PSMC4: variants seen among roughly 807,000 people sequenced by gnomAD.
The protein encoded by PSMC4 is proteasome 26S subunit, ATPase 4, also known as 26S proteasome regulatory subunit 6B.
Under a neutral mutation model 48.4 loss-of-function variants are expected in PSMC4, and 13 were observed. That is an observed-to-expected ratio of 0.27 (90% CI 0.18 to 0.43). The LOEUF (loss-of-function observed/expected upper bound fraction) is 0.43. Ranked by LOEUF, PSMC4 falls within the 20% of genes least tolerant of loss-of-function variation. PSMC4 has a pLI of 1.00. For synonymous variants in PSMC4, 202 were observed against 212.3 expected (o/e 0.95, Z 0.42); for missense variants, 262 against 555.9 (o/e 0.47, Z 5.32).
chr19:39,980,234 AG>A lies in PSMC4; in HGVS notation c.919-50del. 6.2e-7 allele frequency: 1 copy of A among 1,613,724 alleles called. No homozygotes were observed. The highest frequency in any genetic ancestry group is 8.5e-7 in the Non-Finnish European group (1 of 1,179,738). On this transcript the variant is annotated intron_variant, in intron 8 of 10. Transcript: ENST00000157812. The surrounding 1 kb of genome is among the most constrained non-coding windows in gnomAD (Gnocchi z 4.8). ...GCACCTAAGGGGTGGTTATCGTGAC[AG>A]GAAGGAGGTAGGAGTGCAGAGATCT...
intron 6 of PSMC4, among the ~76,000 whole-genome samples, chr19:39,977,528 AG>A (rs1298396894): frequency 1.3e-5 from 2 of 152,056 alleles, no homozygotes; most frequent in Non-Finnish European, 2.9e-5. Context: ...TTCTAGAGAC[AG>A]GGTCATGTCT....
Position 39,980,612 on chromosome 19 carries a change from C to G in PSMC4, c.1088-50C>G, listed in dbSNP as rs541193657. 6.2e-7 allele frequency: 1 copy of G among 1,605,956 alleles called. No individual in the cohort carries two copies. The highest frequency in any genetic ancestry group is 8.5e-7 in the Non-Finnish European group (1 of 1,172,822). On this transcript the variant is annotated intron_variant, in intron 9 of 10. Transcript: ENST00000157812. This position sits in a 1 kb window ranked among gnomAD's most constrained non-coding sequence, Gnocchi z 4.8. ...AGATGGCCAAAGATGACTTCCAGCCCCAGGCATTTACCCCATCACACAGGG... is the reference window on the plus strand; with the variant it reads ...AGATGGCCAAAGATGACTTCCAGCCGCAGGCATTTACCCCATCACACAGGG...
In PSMC4 at chr19:39,980,633, CAG is replaced by C; in HGVS notation, c.1088-28_1088-27del. The C allele has an allele frequency of 1.2e-6, 2 of 1,612,546 alleles. No homozygotes were observed. The highest frequency in any genetic ancestry group is 1.7e-6 in the Non-Finnish European group (2 of 1,178,640). Reference sequence around the variant, plus strand: ...AGCCCCAGGCATTTACCCCATCACACAGGGAATAGTTTCCTTAACTCGCTGCA... The same window carrying C: ...AGCCCCAGGCATTTACCCCATCACACGGAATAGTTTCCTTAACTCGCTGCA... On this transcript the variant is annotated intron_variant, in intron 9 of 10. Coordinates refer to ENST00000157812, the MANE Select transcript of PSMC4 (RefSeq NM_006503.4). The surrounding 1 kb of genome is among the most constrained non-coding windows in gnomAD (Gnocchi z 4.8).
rs543349834 is a variant in PSMC4 at position 39,977,542 on chromosome 19, C to A, written c.674-2275C>A. 2.6e-4 allele frequency among the ~76,000 whole-genome samples: 40 copies of A among 152,160 alleles called. 1 individual carries two copies. Among genetic ancestry groups the A allele is most frequent in the Non-Finnish European group, 5.1e-4 (35 of 68,004 alleles). ...TTTCTAGAGACAGGGTCATGTCTGG[C>A]AAGGCGCGGTGGCTCACGGCTATAA... On this transcript the variant is annotated intron_variant, in intron 6 of 10. Transcript: ENST00000157812.
At chr19:39,978,734 G>A (rs1971243137) in intron 6 of PSMC4, among the ~76,000 whole-genome samples, 1 of 152,098 alleles carries the variant, frequency 6.6e-6, no homozygotes, top group Non-Finnish European at 1.5e-5. Context: ...CAAGGCCAGG[G>A]TCAAGCATGG....
In PSMC4 at chr19:39,974,649, T is replaced by A. The variant is rs1302151364; in HGVS notation, c.579+16T>A. The A allele has an allele frequency of 1.9e-6, 3 of 1,613,100 alleles. No individual in the cohort carries two copies. The African/African-American group carries it at 4.0e-5, about 22-fold the overall frequency. On this transcript the variant is annotated intron_variant, in intron 5 of 10. Transcript: ENST00000157812. The surrounding 1 kb of genome is among the most constrained non-coding windows in gnomAD (Gnocchi z 5.5). ...CTACAAGCAGGTGAGGCGGTGCAGG[T>A]GGCAGGGAAGGGAGAGGCCCCATTG...
chr19:39,972,039 T>C, intron 1 of PSMC4, 107 bp from the exon 2 acceptor site: 1 of 1,061,978 alleles, frequency 9.4e-7, no homozygotes, highest in Non-Finnish European at 1.4e-6. Flanking sequence ...TGTTAGGGGC[T>C]AAGTGACATC....
intron 3 of PSMC4, 61 bp downstream of exon 3, chr19:39,972,616 C>T: frequency 6.7e-7 from 1 of 1,488,280 alleles, no homozygotes; most frequent in Non-Finnish European, 9.1e-7. Flanking sequence ...CTACCATGTG[C>T]TAGGCAGCAG....
chr19:39,978,408 C>G (rs557109305), intron 6 of PSMC4, among the ~76,000 whole-genome samples: 64 of 152,190 alleles, frequency 4.2e-4, no homozygotes, highest in Non-Finnish European at 7.6e-4. Flanking sequence ...TGGCCAAAGT[C>G]AGGTGGTCAA....
At chr19:39,979,041 A>T (rs1433392928) in intron 6 of PSMC4, among the ~76,000 whole-genome samples, 1 of 152,176 alleles carries the variant, frequency 6.6e-6, no homozygotes, top group African/African-American at 2.4e-5. Context: ...ATTGTCAGTT[A>T]TATCAGAACA....
Position 39,981,314 on chromosome 19 carries a change from T to G in PSMC4, c.*9T>G. ...ATGAGTTTTACAAGTGACCCTTCCCTTCCCTCCACCACACCACTCAGGGGC... is the reference window on the plus strand; with the variant it reads ...ATGAGTTTTACAAGTGACCCTTCCCGTCCCTCCACCACACCACTCAGGGGC... On this transcript the variant is annotated 3_prime_UTR_variant, in exon 11 of 11. Coordinates refer to ENST00000157812, the MANE Select transcript of PSMC4 (RefSeq NM_006503.4). The G allele has an allele frequency of 6.3e-7, 1 of 1,598,816 alleles. No homozygotes were observed. Among genetic ancestry groups the G allele is most frequent in the South Asian group, 1.1e-5 (1 of 90,730 alleles).
In PSMC4 at chr19:39,981,512, T is replaced by C; in HGVS notation, c.*207T>C. ...TTGAATAGGATCCTCTGGGTCCCTC[T>C]TAATCTGACAGATGAGCAGACGAGG... On this transcript the variant is annotated 3_prime_UTR_variant, in exon 11 of 11. Transcript: ENST00000157812. The C allele has an allele frequency of 2.0e-6, 1 of 502,414 alleles. No individual in the cohort carries two copies. Among genetic ancestry groups the C allele is most frequent in the South Asian group, 2.4e-5 (1 of 41,874 alleles). 31.1% of individuals were successfully genotyped at this position (502,414 alleles called of 1,614,324 possible).
chr19:39,972,208 G>A lies in PSMC4; in HGVS notation c.99G>A (p.Glu33=). The A allele has an allele frequency of 6.2e-7, 1 of 1,614,086 alleles. No homozygotes were observed. Among genetic ancestry groups the A allele is most frequent in the East Asian group, 2.2e-5 (1 of 44,884 alleles). The part of the protein sequence containing the change: ...PQTGLSFLGP[E]PEDLEDLYSR... Reference sequence around the variant, plus strand: ...CCGGCCTGTCCTTCCTGGGCCCTGAGCCTGAGGACCTGGAGGACCTGTACA... The same window carrying A: ...CCGGCCTGTCCTTCCTGGGCCCTGAACCTGAGGACCTGGAGGACCTGTACA... Residue 33 remains glutamate (E), a synonymous_variant, in exon 2 of 11, where the codon GAG becomes GAA. Coordinates refer to ENST00000157812, the MANE Select transcript of PSMC4 (RefSeq NM_006503.4).
intron 6 of PSMC4, among the ~76,000 whole-genome samples, chr19:39,976,787 G>C (rs1438380568): frequency 6.6e-6 from 1 of 151,714 alleles, no homozygotes; most frequent in Non-Finnish European, 1.5e-5. Flanking sequence ...GTGATTACAG[G>C]CGTGAGCCAC....
At chr19:39,976,967 A>G (rs952230888) in intron 6 of PSMC4, among the ~76,000 whole-genome samples, 6 of 149,844 alleles carry the variant, frequency 4.0e-5, no homozygotes, top group African/African-American at 1.5e-4. Flanking sequence ...CTCCTACCTC[A>G]GCCTCCCGAG....
At position 39,974,863 on chromosome 19, in the gene PSMC4, T is replaced by C. The variant is rs368237983; in HGVS notation, c.673+35T>C. 1.9e-6 allele frequency: 3 copies of C among 1,569,286 alleles called. No homozygotes were observed. Among genetic ancestry groups the C allele is most frequent in the Non-Finnish European group, 2.6e-6 (3 of 1,142,506 alleles). ...TTCGCCCCTGCCCCGAGCTCTCATC[T>C]TCTGGCCTCTTCGCCTTGCTCCCTG... On this transcript the variant is annotated intron_variant, in intron 6 of 10. Coordinates refer to ENST00000157812, the MANE Select transcript of PSMC4 (RefSeq NM_006503.4). The surrounding 1 kb of genome is among the most constrained non-coding windows in gnomAD (Gnocchi z 5.5).
At position 39,980,614 on chromosome 19, in the gene PSMC4, A is replaced by G. The variant is rs755796252; in HGVS notation, c.1088-48A>G. The G allele has an allele frequency of 4.4e-6, 7 of 1,606,884 alleles. No homozygotes were observed. Among genetic ancestry groups the G allele is most frequent in the Non-Finnish European group, 6.0e-6 (7 of 1,173,544 alleles). On this transcript the variant is annotated intron_variant, in intron 9 of 10. Transcript: ENST00000157812. This position sits in a 1 kb window ranked among gnomAD's most constrained non-coding sequence, Gnocchi z 4.8. ...ATGGCCAAAGATGACTTCCAGCCCC[A>G]GGCATTTACCCCATCACACAGGGAA...
chr19:39,972,324 C>T (rs1971114495), intron 2 of PSMC4, 45 bp from the exon 3 acceptor site: 1 of 1,610,760 alleles, frequency 6.2e-7, no homozygotes, highest in Non-Finnish European at 8.5e-7. Context: ...CTCTCTGGAT[C>T]AGCAAGTCTG....
In PSMC4 at chr19:39,981,323, C is replaced by T; in HGVS notation, c.*18C>T. 1 of 1,576,102 alleles carries T rather than the reference C, an allele frequency of 6.3e-7. No homozygotes were observed. Among genetic ancestry groups the T allele is most frequent in the Non-Finnish European group, 8.7e-7 (1 of 1,145,520 alleles). On this transcript the variant is annotated 3_prime_UTR_variant, in exon 11 of 11. Transcript: ENST00000157812. Reference sequence around the variant, plus strand: ...ACAAGTGACCCTTCCCTTCCCTCCACCACACCACTCAGGGGCTGGGGCTTC... The same window carrying T: ...ACAAGTGACCCTTCCCTTCCCTCCATCACACCACTCAGGGGCTGGGGCTTC...
Sources: gnomAD v4.1 joint callset for allele counts (sites outside exome capture counted in the v4.1 genomes callset) on GRCh38, gnomAD v4.1.1 for gene constraint, Gnocchi (gnomAD v3.1) non-coding constraint, MANE v1.5 for transcripts, NCBI Gene and HGNC (gene_info 2026-07-23, HGNC 2026-07-21) for gene names.